The following FREM3 variants were observed in gnomAD, a reference collection of about 807,000 sequenced individuals.
FREM3 encodes the protein FRAS1-related extracellular matrix protein 3.
Under a neutral mutation model 129.1 loss-of-function variants are expected in FREM3, and 105 were observed. The ratio of observed to expected loss-of-function variants is 0.81; its 90% CI spans 0.69 to 0.96. The LOEUF (loss-of-function observed/expected upper bound fraction) is 0.96, where lower values mean the gene tolerates loss of function less well. Ranked by LOEUF, FREM3 falls within the 40% of genes least tolerant of loss-of-function variation. The pLI is 0.00. For synonymous variants in FREM3, 1,014 were observed against 1,044.9 expected (o/e 0.97, Z 0.57); for missense variants, 2,593 against 2,666.3 (o/e 0.97, Z 0.61).
intron 2 of FREM3, among the ~76,000 whole-genome samples, chr4:143,662,698 T>C (rs1422672746): frequency 7.2e-4 from 110 of 152,048 alleles, no homozygotes; most frequent in Admixed American, 1.8e-3. Context: ...AAGTCTCCCA[T>C]TATTATTGTG....
In FREM3 at chr4:143,641,794, C is replaced by CT. The variant is rs575568388; in HGVS notation, c.5276-14035dup. On this transcript the variant is annotated intron_variant, in intron 2 of 7. Coordinates refer to ENST00000329798, the MANE Select transcript of FREM3 (RefSeq NM_001168235.2). ...TTACACACTCTTGGGTAAAATATTC[C>CT]TTTTTCTAGAAATAAAAATGCCCTT... Among the ~76,000 whole-genome samples, 9 of 152,240 alleles carry CT rather than the reference C, an allele frequency of 5.9e-5. No individual in the cohort carries two copies. The East Asian group carries it at 1.7e-3, about 29-fold the overall frequency.
chr4:143,611,207 CCTTT>C, intron 6 of FREM3, 68 bp downstream of exon 6: 1 of 1,443,210 alleles, frequency 6.9e-7, no homozygotes, highest in Non-Finnish European at 9.2e-7. Context: ...GCTACATTTG[CCTTT>C]CAACTGTTGG....
At chr4:143,604,020 T>A (rs1473009660) in intron 6 of FREM3, among the ~76,000 whole-genome samples, 4 of 152,202 alleles carry the variant, frequency 2.6e-5, no homozygotes, top group Admixed American at 2.0e-4. Flanking sequence ...GTCAGGGGGT[T>A]GGATCTCTCA....
chr4:143,655,402 C>G (rs571313230), intron 2 of FREM3, among the ~76,000 whole-genome samples: 40 of 152,064 alleles, frequency 2.6e-4, no homozygotes, highest in Non-Finnish European at 4.3e-4. Context: ...TGGCTACACA[C>G]GACAAAATGA....
intron 2 of FREM3, among the ~76,000 whole-genome samples, chr4:143,647,877 C>T (rs931213488): frequency 9.9e-5 from 15 of 152,112 alleles, no homozygotes; most frequent in African/African-American, 2.7e-4. Flanking sequence ...CCTGATTAAA[C>T]GGTGAGAAGA....
intron 2 of FREM3, among the ~76,000 whole-genome samples, chr4:143,650,397 T>C (rs1418132684): frequency 6.6e-6 from 1 of 152,218 alleles, no homozygotes; most frequent in Non-Finnish European, 1.5e-5. Flanking sequence ...GACAATGAAC[T>C]ATCAGCCAAA....
intron 7 of FREM3, among the ~76,000 whole-genome samples, chr4:143,582,106 A>G (rs1437952003): frequency 2.0e-5 from 3 of 150,216 alleles, no homozygotes; most frequent in African/African-American, 7.3e-5. Flanking sequence ...GAGCTCCAAG[A>G]GACAAGTCAA....
Position 143,699,054 on chromosome 4 carries a change from T to A in FREM3, c.1622A>T (p.Asp541Val), listed in dbSNP as rs1436769785. Residue 541 changes from aspartate (D) to valine (V), a missense_variant, in exon 1 of 8, where the codon GAT (aspartate) becomes GTT (valine). Around this residue, in one of 2 missense-constraint regions of FREM3, gnomAD observed 2,276 missense variants for 2,267.2 expected, o/e 1.00. Coordinates refer to ENST00000329798, the MANE Select transcript of FREM3 (RefSeq NM_001168235.2). The surrounding 1 kb of genome is among the most constrained non-coding windows in gnomAD (Gnocchi z 4.2). ...GTTAGTATTGACCATTGGTGGTTCATCATCCACAGGTAGGATGGTGAGGGG... is the reference window on the plus strand; with the variant it reads ...GTTAGTATTGACCATTGGTGGTTCAACATCCACAGGTAGGATGGTGAGGGG... ...LFPLTILPVD[D>V]EPPMVNTNTG... 1 of 1,537,158 alleles carries A rather than the reference T, an allele frequency of 6.5e-7. No homozygotes were observed. The highest frequency in any genetic ancestry group is 1.4e-5 in the African/African-American group (1 of 73,032).
At chr4:143,663,208 G>A (rs1000872493) in intron 2 of FREM3, among the ~76,000 whole-genome samples, 5 of 152,062 alleles carry the variant, frequency 3.3e-5, no homozygotes, top group Non-Finnish European at 7.4e-5. Flanking sequence ...GCATGATTTT[G>A]CAGCAGCTGG....
At chr4:143,619,804 G>T (rs1471167021) in intron 5 of FREM3, among the ~76,000 whole-genome samples, 3 of 151,986 alleles carry the variant, frequency 2.0e-5, no homozygotes, top group African/African-American at 7.3e-5. Context: ...CATCTGCCAA[G>T]GTACTGCCTG....
intron 2 of FREM3, among the ~76,000 whole-genome samples, chr4:143,661,652 T>G (rs1046552604): frequency 6.6e-6 from 1 of 152,196 alleles, no homozygotes; most frequent in Admixed American, 6.5e-5. Flanking sequence ...TGGAATAGTT[T>G]CAGAAGGAAT....
At position 143,697,974 on chromosome 4, in the gene FREM3, G is replaced by A. The variant is rs1740611348; in HGVS notation, c.2702C>T (p.Ser901Phe). 1.3e-6 allele frequency: 2 copies of A among 1,537,640 alleles called. No homozygotes were observed. Among genetic ancestry groups the A allele is most frequent in the South Asian group, 2.4e-5 (2 of 84,058 alleles). The change falls in exon 1 of 8, where the codon TCT becomes TTT. Residue 901 changes from serine to phenylalanine, a missense_variant. Around this residue, in one of 2 missense-constraint regions of FREM3, gnomAD observed 2,276 missense variants for 2,267.2 expected, o/e 1.00. Coordinates refer to ENST00000329798, the MANE Select transcript of FREM3 (RefSeq NM_001168235.2). ...CGTCTGGTCTCTGCCATGCTGGTAAGAGACACTCCCGTTAATAACATCAGC... is the reference window on the plus strand; with the variant it reads ...CGTCTGGTCTCTGCCATGCTGGTAAAAGACACTCCCGTTAATAACATCAGC... The part of the protein sequence containing the change: ...MQADVINGSV[S>F]YQHGRDQTTT...
chr4:143,595,658 T>A (rs146091293), intron 6 of FREM3, among the ~76,000 whole-genome samples: 174 of 151,990 alleles, frequency 1.1e-3, no homozygotes, highest in African/African-American at 3.8e-3. Flanking sequence ...GAGGCCAAGG[T>A]GGGCGGATCA....
At chr4:143,609,727 A>C (rs1738724004) in intron 6 of FREM3, among the ~76,000 whole-genome samples, 1 of 152,140 alleles carries the variant, frequency 6.6e-6, no homozygotes, top group African/African-American at 2.4e-5. Context: ...CTCATTTCTC[A>C]ATTTGCTCTT....
chr4:143,640,293 G>A (rs574575719), intron 2 of FREM3, among the ~76,000 whole-genome samples: 11 of 152,276 alleles, frequency 7.2e-5, no homozygotes, highest in African/African-American at 9.6e-5. Flanking sequence ...ATTAACAGGG[G>A]CTTAATCAAT....
At chr4:143,629,729 A>G (rs1739105978) in intron 2 of FREM3, among the ~76,000 whole-genome samples, 1 of 152,124 alleles carries the variant, frequency 6.6e-6, no homozygotes, top group African/African-American at 2.4e-5. Flanking sequence ...CTACAAACCC[A>G]TTACAGAGTA....
intron 1 of FREM3, among the ~76,000 whole-genome samples, chr4:143,694,102 T>C (rs560499677): frequency 2.0e-5 from 3 of 152,252 alleles, no homozygotes; most frequent in African/African-American, 7.2e-5. Flanking sequence ...CAGCATGACA[T>C]GAGTTTAAGT....
chr4:143,697,098 T>C lies in FREM3; in HGVS notation c.3578A>G (p.Gln1193Arg). The C allele has an allele frequency of 6.5e-7, 1 of 1,537,858 alleles. No individual in the cohort carries two copies. The highest frequency in any genetic ancestry group is 8.7e-7 in the Non-Finnish European group (1 of 1,147,044). The change falls in exon 1 of 8, where the codon CAG becomes CGG. Residue 1193 changes from glutamine to arginine, a missense_variant. Physicochemically the swap from Gln to Arg is conservative, Grantham distance 43 (BLOSUM62 1). Coordinates refer to ENST00000329798, the MANE Select transcript of FREM3 (RefSeq NM_001168235.2). ...PIIILPTNDE[Q>R]PKLFAHEFKV... ...AAACTCATGGGCAAAAAGTTTAGGC[T>C]GCTCATCATTGGTGGGTAGGATGAT...
At chr4:143,688,934 T>C (rs1409113357) in intron 2 of FREM3, among the ~76,000 whole-genome samples, 1 of 152,050 alleles carries the variant, frequency 6.6e-6, no homozygotes, top group Non-Finnish European at 1.5e-5. Context: ...TAGAAGATAA[T>C]ATTGGAAAAA....
Sources: gnomAD v4.1 joint callset for allele counts (sites outside exome capture counted in the v4.1 genomes callset) on GRCh38, gnomAD v4.1.1 for gene constraint, gnomAD v4.1.1 regional missense constraint, Gnocchi (gnomAD v3.1) non-coding constraint, MANE v1.5 for transcripts, NCBI Gene and HGNC (gene_info 2026-07-23, HGNC 2026-07-21) for gene names.